Variants in C13orf46 observed in about 807,000 individuals in gnomAD.
C13orf46 encodes the protein chromosome 13 open reading frame 46, also known as uncharacterized protein C13orf46.
intron 6 of C13orf46, among the ~76,000 whole-genome samples, chr13:113,963,247 C>G (rs1372623547): frequency 0.13 from 12,305 of 96,676 alleles, 254 homozygotes; most frequent in East Asian, 0.19. Flanking sequence ...CTCAGCCTCG[C>G]CCCTGTCCTC....
intron 6 of C13orf46, among the ~76,000 whole-genome samples, chr13:113,957,722 G>T (rs1373049292): frequency 7.2e-6 from 1 of 138,762 alleles, no homozygotes; most frequent in East Asian, 2.3e-4. Flanking sequence ...GCACACTGGG[G>T]GTCTCCCCTG....
In C13orf46 at chr13:113,955,070, GAGGAGCATCCA is replaced by G. The variant is rs2052512589; in HGVS notation, c.*1692_*1702del. The G allele has an allele frequency of 5.3e-5, 11 of 207,884 alleles. 1 individual carries two copies. Among genetic ancestry groups the G allele is most frequent in the African/African-American group, 2.7e-4 (11 of 40,814 alleles). 12.9% of individuals were successfully genotyped at this position (207,884 alleles called of 1,614,324 possible). A position where few individuals can be genotyped will look rare whatever the true frequency, so the allele number is the denominator to read the frequency against. On this transcript the variant is annotated 3_prime_UTR_variant, in exon 7 of 7. Transcript: ENST00000636427. ...GAGAGGAGGAGCATCCGGCGGGGAT[GAGGAGCATCCA>G]GTGGGGATGAGGAGCAGCTGGTGGA...
chr13:113,931,870 G>C, the C13orf46 span, among the ~76,000 whole-genome samples: 1 of 152,000 alleles, frequency 6.6e-6, no homozygotes, highest in African/African-American at 2.4e-5. Context: ...GATAAGTTTT[G>C]ACATTCTGCT....
At chr13:113,950,744 G>T (rs1017664580), downstream of C13orf46, among the ~76,000 whole-genome samples, 1 of 152,356 alleles carries the variant, frequency 6.6e-6, no homozygotes, top group South Asian at 2.1e-4. Flanking sequence ...CCACAGCTGG[G>T]TCTGGGGTTC....
chr13:113,954,130 G>T lies in C13orf46; in HGVS notation c.*2643C>A, dbSNP rs2138968169. 6.6e-6 allele frequency: 1 copy of T among 152,396 alleles called. No homozygotes were observed. Among genetic ancestry groups the T allele is most frequent in the East Asian group, 1.9e-4 (1 of 5,180 alleles). The allele number at this position is 152,396 out of a possible 1,614,324, so 9.4% of individuals were successfully genotyped here. A position where few individuals can be genotyped will look rare whatever the true frequency, so the allele number is the denominator to read the frequency against. ...CCCTCCCTCCCTGGCTGAGTGATGGGCAGAGCTCACCCTCTGGGAGCCTCT... is the reference window on the plus strand; with the variant it reads ...CCCTCCCTCCCTGGCTGAGTGATGGTCAGAGCTCACCCTCTGGGAGCCTCT... On this transcript the variant is annotated 3_prime_UTR_variant, in exon 7 of 7. Transcript: ENST00000636427.
At chr13:113,952,377 T>C (rs1427332832), downstream of C13orf46, among the ~76,000 whole-genome samples, 2,530 of 118,196 alleles carry the variant, frequency 0.021, 69 homozygotes, top group African/African-American at 0.062. Flanking sequence ...GCTGTGTGGC[T>C]GCCGCTCCCG....
chr13:113,972,997 A>G (rs10870596), intron 1 of C13orf46, among the ~76,000 whole-genome samples: 45,681 of 151,832 alleles, frequency 0.3, 7,733 homozygotes, highest in East Asian at 0.45. Context: ...CCCCACTTCC[A>G]CCCTTAGCGT....
At chr13:113,929,855 G>T in the C13orf46 span, among the ~76,000 whole-genome samples, 1 of 152,232 alleles carries the variant, frequency 6.6e-6, no homozygotes, top group Non-Finnish European at 1.5e-5. Context: ...GCCCTCCAAT[G>T]GAAAAGCTGC....
chr13:113,957,533 T>C (rs1244127959), intron 6 of C13orf46, among the ~76,000 whole-genome samples: 2 of 116,522 alleles, frequency 1.7e-5, no homozygotes, highest in Non-Finnish European at 3.5e-5. Flanking sequence ...ACTGGGGGTC[T>C]CCCCTGCACT....
chr13:113,964,919 T>C lies in C13orf46; in HGVS notation c.572+8A>G, dbSNP rs1327445729. ...CCCACCTAGTGTGAGCCCACAAGCATCACTCACTCGTCTTCTGACAGATCT... is the reference window on the plus strand; with the variant it reads ...CCCACCTAGTGTGAGCCCACAAGCACCACTCACTCGTCTTCTGACAGATCT... On this transcript the variant is annotated splice_region_variant and intron_variant, in intron 6 of 6. Coordinates refer to ENST00000636427, the MANE Select transcript of C13orf46 (RefSeq NM_001365455.2). The C allele has an allele frequency of 6.6e-6, 1 of 152,366 alleles. No homozygotes were observed. The highest frequency in any genetic ancestry group is 2.4e-5 in the African/African-American group (1 of 41,562). The allele number at this position is 152,366 out of a possible 1,614,324, so 9.4% of individuals were successfully genotyped here.
intron 6 of C13orf46, among the ~76,000 whole-genome samples, chr13:113,959,961 T>C (rs887661516): frequency 7.3e-4 from 111 of 152,344 alleles, no homozygotes; most frequent in African/African-American, 2.6e-3. Flanking sequence ...CTTCTAAAGA[T>C]TGAGCTTTGG....
chr13:113,969,444 G>A (rs993064129), intron 2 of C13orf46, among the ~76,000 whole-genome samples: 5 of 152,328 alleles, frequency 3.3e-5, no homozygotes, highest in Admixed American at 6.5e-5. Flanking sequence ...TCCAGGCGCC[G>A]CACACATCCT....
chr13:113,957,011 A>G (rs1338711948), intron 6 of C13orf46, among the ~76,000 whole-genome samples, 172 bp from the exon 7 acceptor site: 2 of 149,466 alleles, frequency 1.3e-5, no homozygotes, highest in African/African-American at 5.0e-5. Flanking sequence ...CTGTACCTGC[A>G]TATGCACCCC....
chr13:113,966,160 T>C lies in C13orf46; in HGVS notation c.505-1166A>G, dbSNP rs2052644081. ...GTGATGATGACAATGGTGACGGTGATAGTGGTGATGGTGATGATGATGATG... is the reference window on the plus strand; with the variant it reads ...GTGATGATGACAATGGTGACGGTGACAGTGGTGATGGTGATGATGATGATG... On this transcript the variant is annotated intron_variant, in intron 5 of 6. Transcript: ENST00000636427. 1.8e-5 allele frequency among the ~76,000 whole-genome samples: 2 copies of C among 111,620 alleles called. 1 individual carries two copies. Among genetic ancestry groups the C allele is most frequent in the South Asian group, 6.4e-4 (2 of 3,112 alleles). 73.2% of individuals were successfully genotyped at this position (111,620 alleles called of 152,430 possible).
the C13orf46 span, among the ~76,000 whole-genome samples, chr13:113,932,223 C>T: frequency 1.3e-5 from 2 of 152,200 alleles, no homozygotes; most frequent in African/African-American, 4.8e-5. Context: ...TGAACGTTTA[C>T]GACACAGTCT....
the C13orf46 span, among the ~76,000 whole-genome samples, chr13:113,945,656 GAAAGA>G: frequency 7.3e-6 from 1 of 137,716 alleles, no homozygotes; most frequent in African/African-American, 2.7e-5. Context: ...AAGAAAGAAA[GAAAGA>G]AAGAAAGAAA....
At chr13:113,951,517 C>G (rs2052488578), downstream of C13orf46, among the ~76,000 whole-genome samples, 1 of 152,216 alleles carries the variant, frequency 6.6e-6, no homozygotes, top group South Asian at 2.1e-4. Flanking sequence ...GAGATCCCGG[C>G]CGGGTTTCCA....
At chr13:113,927,296 G>C in the C13orf46 span, 2 of 371,656 alleles carry the variant, frequency 5.4e-6, no homozygotes, top group Admixed American at 4.6e-5. Context: ...TTCATATGTG[G>C]GACAGGCTCC....
chr13:113,972,822 T>C (rs1286815601), intron 1 of C13orf46, among the ~76,000 whole-genome samples: 1 of 152,154 alleles, frequency 6.6e-6, no homozygotes, highest in Non-Finnish European at 1.5e-5. Flanking sequence ...GATCCTCCCT[T>C]CAGGCATCGG....
Sources: allele counts gnomAD v4.1 joint callset (sites outside exome capture counted in the v4.1 genomes callset), GRCh38; gene constraint gnomAD v4.1.1; transcripts MANE v1.5; gene names NCBI Gene and HGNC (gene_info 2026-07-23, HGNC 2026-07-21).